The following AGXT2 variants were observed in gnomAD, a reference collection of about 807,000 sequenced individuals.
AGXT2 encodes the protein alanine--glyoxylate aminotransferase 2, mitochondrial.
AGXT2 carries 61 observed loss-of-function variants against 62.5 expected under a neutral mutation model. The observed-to-expected ratio is 0.98, with a 90% confidence interval of 0.79 to 1.21. AGXT2 has a LOEUF of 1.21. Ranked by LOEUF, AGXT2 falls within the 50% of genes most tolerant of loss-of-function variation. The pLI, the probability that AGXT2 is intolerant of heterozygous loss-of-function variation, is 0.00. For missense variants in AGXT2, 666 were observed against 641.5 expected (o/e 1.04, Z -0.41); for synonymous variants, 243 against 218.7 (o/e 1.11, Z -0.98).
At chr5:35,023,762 A>G (rs1767214007) in intron 9 of AGXT2, among the ~76,000 whole-genome samples, 1 of 152,260 alleles carries the variant, frequency 6.6e-6, no homozygotes, top group Non-Finnish European at 1.5e-5. Context: ...GTGGTACACC[A>G]GGGACATCCA....
chr5:35,005,903 A>G (rs920196578), intron 12 of AGXT2, among the ~76,000 whole-genome samples: 1 of 152,186 alleles, frequency 6.6e-6, no homozygotes, highest in Non-Finnish European at 1.5e-5. Context: ...CTGGAAGTGC[A>G]TAAAGTAAAA....
intron 13 of AGXT2, among the ~76,000 whole-genome samples, chr5:35,000,748 A>T (rs76445281): frequency 0.018 from 2,716 of 152,268 alleles, 64 homozygotes; most frequent in Non-Finnish European, 0.024. Flanking sequence ...TCTCATCTAG[A>T]CATTAGACTT....
At chr5:35,026,962 C>T in intron 7 of AGXT2, 1 of 985,306 alleles carries the variant, frequency 1.0e-6, no homozygotes, top group Non-Finnish European at 1.2e-6. Context: ...TACAAAGTGT[C>T]TTTGTCTTTA....
At chr5:35,015,849 C>CAAAAAA (rs557021858) in intron 9 of AGXT2, among the ~76,000 whole-genome samples, 9 of 69,482 alleles carry the variant, frequency 1.3e-4, no homozygotes, top group South Asian at 5.9e-4. Flanking sequence ...GACTCCATCT[C>CAAAAAA]AAAAAAAAAA....
In AGXT2 at chr5:34,998,521, C is replaced by A; in HGVS notation, c.*198G>T. On this transcript the variant is annotated 3_prime_UTR_variant, in exon 14 of 14. Coordinates refer to ENST00000231420, the MANE Select transcript of AGXT2 (RefSeq NM_031900.4). ...TCTCTGAGCTAGGGAGATCCTTTCC[C>A]TGAAGAATGGAGTTCTCAAGATAAG... 1.6e-6 allele frequency: 1 copy of A among 614,948 alleles called. No individual in the cohort carries two copies. The highest frequency in any genetic ancestry group is 2.0e-5 in the South Asian group (1 of 50,632). The allele number at this position is 614,948 out of a possible 1,614,324, so 38.1% of individuals were successfully genotyped here. A position where few individuals can be genotyped will look rare whatever the true frequency, so the allele number is the denominator to read the frequency against.
intron 11 of AGXT2, among the ~76,000 whole-genome samples, chr5:35,010,949 T>C (rs1165655981): frequency 6.6e-6 from 1 of 152,234 alleles, no homozygotes; most frequent in East Asian, 1.9e-4. Context: ...CCTCTTTGGC[T>C]GAGCCCAGAG....
Position 35,013,018 on chromosome 5 carries a change from A to G in AGXT2, c.1124T>C (p.Leu375Pro). 1.3e-6 allele frequency: 2 copies of G among 1,551,730 alleles called. No individual in the cohort carries two copies. Among genetic ancestry groups the G allele is most frequent in the Non-Finnish European group, 1.7e-6 (2 of 1,146,990 alleles). The stretch of plus-strand genomic sequence containing the variant: ...CCCTCCAAAGGTGTTGAAGTGCTGC[A>G]GGCATTTCGCCAAAGATTTGGCAAT... ...PEIAKSLAKC[L>P]QHFNTFGGNP... is the part of the protein sequence containing the mutation. Residue 375 changes from leucine (L) to proline (P), a missense_variant, in exon 11 of 14, where the codon CTG becomes CCG. Leu to Pro is a moderately conservative substitution (Grantham distance 98). Coordinates refer to ENST00000231420, the MANE Select transcript of AGXT2 (RefSeq NM_031900.4).
At chr5:35,009,845 C>G (rs1315728887) in intron 12 of AGXT2, among the ~76,000 whole-genome samples, 155 bp downstream of exon 12, 1 of 152,194 alleles carries the variant, frequency 6.6e-6, no homozygotes, top group African/African-American at 2.4e-5. Flanking sequence ...TTTGTTCATA[C>G]TCAACACTCT....
In AGXT2 at chr5:35,000,691, G is replaced by A. The variant is rs753264318; in HGVS notation, c.1438-1865C>T. Among the ~76,000 whole-genome samples the A allele has an allele frequency of 1.1e-4, 17 of 152,286 alleles. No homozygotes were observed. The Middle Eastern group carries it at 0.01, about 91-fold the overall frequency. ...CCACCGTGCCCGGCCTCTCCTGCCC[G>A]TTAAAAGTCAGTGTTGTGCAGGTTT... On this transcript the variant is annotated intron_variant, in intron 13 of 13. Transcript: ENST00000231420.
intron 7 of AGXT2, among the ~76,000 whole-genome samples, chr5:35,032,468 T>C (rs1008136901): frequency 2.0e-5 from 3 of 152,224 alleles, no homozygotes; most frequent in Non-Finnish European, 4.4e-5. Flanking sequence ...AAGTACCAGC[T>C]GATAGTCGTT....
At chr5:35,041,223 C>CAAAAAA (rs3034208) in intron 1 of AGXT2, among the ~76,000 whole-genome samples, 6,394 of 50,944 alleles carry the variant, frequency 0.13, 546 homozygotes, top group Non-Finnish European at 0.16. Flanking sequence ...CTCCCCCCGC[C>CAAAAAA]AAAAAAAAAA....
At chr5:35,033,359 G>C (rs948873029) in intron 6 of AGXT2, 101 bp downstream of exon 6, 2 of 944,468 alleles carry the variant, frequency 2.1e-6, no homozygotes, top group African/African-American at 1.6e-5. Flanking sequence ...TTAATGACAG[G>C]CTTTATATTA....
intron 13 of AGXT2, among the ~76,000 whole-genome samples, chr5:35,002,147 G>T (rs1033537709): frequency 6.6e-6 from 1 of 152,052 alleles, no homozygotes; most frequent in African/African-American, 2.4e-5. Flanking sequence ...CATGTCTTAC[G>T]ATTCATAATC....
intron 12 of AGXT2, among the ~76,000 whole-genome samples, chr5:35,005,839 T>G (rs1010670564): frequency 1.3e-5 from 2 of 151,484 alleles, no homozygotes; most frequent in Non-Finnish European, 1.5e-5. Flanking sequence ...TCTCTTTTGG[T>G]GAATCTATGT....
At chr5:35,015,068 C>A (rs1007551881) in intron 9 of AGXT2, among the ~76,000 whole-genome samples, 2 of 152,104 alleles carry the variant, frequency 1.3e-5, no homozygotes, top group Non-Finnish European at 2.9e-5. Flanking sequence ...TCTAGAAGAC[C>A]CTCTTCTTGC....
intron 7 of AGXT2, among the ~76,000 whole-genome samples, chr5:35,028,864 C>G (rs1047296685): frequency 5.9e-5 from 9 of 152,168 alleles, no homozygotes; most frequent in Non-Finnish European, 1.3e-4. Flanking sequence ...CATCCCAGTG[C>G]TTGCTTAGAG....
At chr5:35,000,490 C>T (rs961471885) in intron 13 of AGXT2, among the ~76,000 whole-genome samples, 15 of 152,336 alleles carry the variant, frequency 9.8e-5, no homozygotes, top group African/African-American at 3.1e-4. Context: ...ACACAATTCT[C>T]CTGCCTCAGC....
rs115845573 is a variant in AGXT2 at position 35,016,640 on chromosome 5, G to A, written c.964-2521C>T. Among the ~76,000 whole-genome samples, 500 of 152,132 alleles carry A rather than the reference G, an allele frequency of 3.3e-3. 5 individuals carry two copies. Among genetic ancestry groups the A allele is most frequent in the African/African-American group, 0.011 (474 of 41,472 alleles). ...TGGTTCTTTAGGACATGAGCCTGCC[G>A]TCTTCTCGGTTTGCTTGCTCCCCCA... On this transcript the variant is annotated intron_variant, in intron 9 of 13. Coordinates refer to ENST00000231420, the MANE Select transcript of AGXT2 (RefSeq NM_031900.4).
intron 12 of AGXT2, among the ~76,000 whole-genome samples, chr5:35,008,769 A>G (rs1766520345): frequency 6.6e-6 from 1 of 152,210 alleles, no homozygotes; most frequent in Non-Finnish European, 1.5e-5. Flanking sequence ...AAAATTGAGC[A>G]TCAATCCTTC....
Sources: gnomAD v4.1 joint callset for allele counts (sites outside exome capture counted in the v4.1 genomes callset) on GRCh38, gnomAD v4.1.1 for gene constraint, MANE v1.5 for transcripts, NCBI Gene and HGNC (gene_info 2026-07-23, HGNC 2026-07-21) for gene names.